ALDH1A2: variants seen among roughly 807,000 people sequenced by gnomAD.
The protein encoded by ALDH1A2 is aldehyde dehydrogenase 1 family member A2, also known as retinal dehydrogenase 2.
ALDH1A2 carries 27 observed loss-of-function variants against 60.3 expected under a neutral mutation model. That is an observed-to-expected ratio of 0.45 (90% confidence interval 0.33 to 0.62). The LOEUF (loss-of-function observed/expected upper bound fraction) is 0.62. Ranked by LOEUF, ALDH1A2 falls within the 20% of genes least tolerant of loss-of-function variation. The probability of loss-of-function intolerance (pLI) is 0.02; values close to 1 mark genes in which losing one functional copy is unlikely to be tolerated. For synonymous variants in ALDH1A2, 289 were observed against 232.4 expected (o/e 1.24, Z -2.21); for missense variants, 581 against 643.8 (o/e 0.90, Z 1.06).
At chr15:57,997,254 C>A (rs1895094495) in intron 4 of ALDH1A2, among the ~76,000 whole-genome samples, 1 of 151,998 alleles carries the variant, frequency 6.6e-6, no homozygotes, top group African/African-American at 2.4e-5. Flanking sequence ...TTCTGGATAT[C>A]ATTCTTTACA....
At chr15:58,013,779 A>T in intron 3 of ALDH1A2, 79 bp downstream of exon 3, 1 of 1,533,922 alleles carries the variant, frequency 6.5e-7, no homozygotes. Context: ...AAAATAAAAT[A>T]AAATACAGCC....
intron 1 of ALDH1A2, among the ~76,000 whole-genome samples, chr15:58,064,482 C>A (rs1458191413): frequency 6.6e-6 from 1 of 152,184 alleles, no homozygotes; most frequent in Non-Finnish European, 1.5e-5. Context: ...TACTTCTCTA[C>A]AAAATTTATC....
intron 1 of ALDH1A2, among the ~76,000 whole-genome samples, chr15:58,015,679 A>G (rs565636551): frequency 6.6e-6 from 1 of 152,310 alleles, no homozygotes; most frequent in South Asian, 2.1e-4. Flanking sequence ...AACCCCGTGA[A>G]GCAGGGTTTT....
intron 4 of ALDH1A2, among the ~76,000 whole-genome samples, chr15:57,995,795 A>G (rs1250419369): frequency 6.6e-6 from 1 of 152,126 alleles, no homozygotes. Flanking sequence ...GGCTAAAAGA[A>G]AAAGAGCTTC....
rs774419607 is a variant in ALDH1A2, at chr15:57,964,011, G to A, written c.960C>T (p.Cys320=). The A allele has an allele frequency of 2.7e-5, 44 of 1,614,058 alleles. No individual in the cohort carries two copies. The highest frequency in any genetic ancestry group is 3.2e-5 in the Non-Finnish European group (38 of 1,180,038). The part of the protein sequence containing the change: ...QGVFFNQGQC[C]TAGSRIFVEE... ...CCACGAAGATGCGAGAGCCTGCAGTGCAGCACTGACCTTGATTGAAGAACA... is the reference window on the plus strand; with the variant it reads ...CCACGAAGATGCGAGAGCCTGCAGTACAGCACTGACCTTGATTGAAGAACA... Residue 320 remains cysteine (C), a synonymous_variant, in exon 9 of 13, where the codon TGC becomes TGT. Coordinates refer to ENST00000249750, the MANE Select transcript of ALDH1A2 (RefSeq NM_003888.4).
At chr15:58,037,753 T>C (rs1404522805) in intron 1 of ALDH1A2, among the ~76,000 whole-genome samples, 1 of 151,680 alleles carries the variant, frequency 6.6e-6, no homozygotes, top group East Asian at 1.9e-4. Flanking sequence ...ATCATCCCTA[T>C]ATGTGTACTT....
At chr15:57,984,796 A>G (rs549010921) in intron 7 of ALDH1A2, among the ~76,000 whole-genome samples, 31 of 152,290 alleles carry the variant, frequency 2.0e-4, no homozygotes, top group African/African-American at 7.2e-4. Flanking sequence ...ACTTTTTGGC[A>G]ATTAGGAATA....
At chr15:57,980,249 G>A (rs1447199014) in intron 7 of ALDH1A2, 1 of 347,226 alleles carries the variant, frequency 2.9e-6, no homozygotes, top group Non-Finnish European at 5.8e-6. Context: ...CGGCCTCTTA[G>A]TCTTGACCTT....
chr15:57,962,299 T>C (rs1437168281), intron 9 of ALDH1A2, 123 bp from the exon 10 acceptor site: 12 of 1,213,128 alleles, frequency 9.9e-6, no homozygotes, highest in East Asian at 5.0e-5. Context: ...AGTCAGATCA[T>C]ATAAAACTGC....
chr15:57,983,854 A>T (rs1437909081), intron 7 of ALDH1A2, among the ~76,000 whole-genome samples: 1 of 152,234 alleles, frequency 6.6e-6, no homozygotes, highest in African/African-American at 2.4e-5. Context: ...AATTGACTGG[A>T]AACAACTTAA....
chr15:58,008,083 A>G (rs1338675001), intron 4 of ALDH1A2, among the ~76,000 whole-genome samples: 1 of 152,040 alleles, frequency 6.6e-6, no homozygotes, highest in Non-Finnish European at 1.5e-5. Context: ...ACAGCTGCCA[A>G]GTTAACCTCT....
At chr15:58,025,172 T>C (rs1032966490) in intron 1 of ALDH1A2, among the ~76,000 whole-genome samples, 3 of 151,110 alleles carry the variant, frequency 2.0e-5, no homozygotes, top group Non-Finnish European at 4.4e-5. Context: ...CAGAAGAAAA[T>C]AAATAATAAA....
intron 1 of ALDH1A2, among the ~76,000 whole-genome samples, chr15:58,021,128 G>A (rs537097838): frequency 1.6e-4 from 24 of 151,896 alleles, no homozygotes; most frequent in Non-Finnish European, 2.5e-4. Context: ...TTATTATTTT[G>A]ATGTGTCTCT....
intron 7 of ALDH1A2, among the ~76,000 whole-genome samples, chr15:57,985,018 T>G (rs1055290978): frequency 2.0e-5 from 3 of 152,228 alleles, no homozygotes; most frequent in Non-Finnish European, 4.4e-5. Context: ...TGGATTTTGT[T>G]TGCTACTATT....
intron 7 of ALDH1A2, among the ~76,000 whole-genome samples, chr15:57,977,530 G>C (rs1894305386): frequency 6.6e-6 from 1 of 152,168 alleles, no homozygotes; most frequent in South Asian, 2.1e-4. Context: ...GTAGATGTAT[G>C]GTGTTATTTC....
intron 4 of ALDH1A2, among the ~76,000 whole-genome samples, chr15:58,001,519 T>A (rs557360281): frequency 6.6e-6 from 1 of 152,046 alleles, no homozygotes; most frequent in Non-Finnish European, 1.5e-5. Context: ...CTCCCTTTCA[T>A]CTAGGCAGAG....
intron 12 of ALDH1A2, among the ~76,000 whole-genome samples, chr15:57,956,368 A>G (rs1248575884): frequency 6.6e-6 from 1 of 152,338 alleles, no homozygotes; most frequent in Non-Finnish European, 1.5e-5. Context: ...CTGTCTTTTG[A>G]AACAGTCAGT....
intron 12 of ALDH1A2, among the ~76,000 whole-genome samples, chr15:57,956,044 AACC>A (rs1893513809): frequency 1.3e-5 from 2 of 152,110 alleles, no homozygotes; most frequent in African/African-American, 2.4e-5. Flanking sequence ...TTCACACCTC[AACC>A]ACCACACTTA....
At position 57,993,015 on chromosome 15, in the gene ALDH1A2, T is replaced by C; in HGVS notation, c.614A>G (p.Asn205Ser). The C allele has an allele frequency of 6.2e-7, 1 of 1,613,692 alleles. No homozygotes were observed. The highest frequency in any genetic ancestry group is 8.5e-7 in the Non-Finnish European group (1 of 1,179,974). The change falls in exon 6 of 13, where the codon AAT becomes AGT. Residue 205 changes from asparagine (N) to serine (S), a missense_variant. Asn to Ser is a conservative substitution (Grantham distance 46). Around this residue, in one of 2 missense-constraint regions of ALDH1A2, gnomAD observed 375 missense variants for 469.7 expected, o/e 0.80. Transcript: ENST00000249750. ...CTCTGCTGGCTTAATAACTACTGTA[T>C]TGCCACAGCACAAAGCTGGAGCTAT... ...WKIAPALCCG[N>S]TVVIKPAEQT...
Sources: allele counts gnomAD v4.1 joint callset (sites outside exome capture counted in the v4.1 genomes callset), GRCh38; gene constraint gnomAD v4.1.1; regional missense constraint gnomAD v4.1.1; transcripts MANE v1.5; gene names NCBI Gene and HGNC (gene_info 2026-07-23, HGNC 2026-07-21).